The following ZNF333 variants were observed in gnomAD, a reference collection of about 807,000 sequenced individuals.
ZNF333 encodes zinc finger protein 333.
Under a neutral mutation model 76.1 loss-of-function variants are expected in ZNF333, and 61 were observed. The observed-to-expected ratio is 0.80, with a 90% confidence interval of 0.65 to 0.99. The LOEUF is 0.99. Among genes scored for constraint, ZNF333 ranks in the 50% least tolerant of loss-of-function variants. The pLI is 0.00. For synonymous variants in ZNF333, 284 were observed against 305.0 expected (o/e 0.93, Z 0.72); for missense variants, 717 against 822.4 (o/e 0.87, Z 1.57).
At chr19:14,699,644 T>C (rs6511959) in intron 5 of ZNF333, among the ~76,000 whole-genome samples, 18,018 of 151,982 alleles carry the variant, frequency 0.12, 1,251 homozygotes, top group African/African-American at 0.2. Flanking sequence ...TATTTTTTGG[T>C]AGAGACAGGG....
intron 2 of ZNF333, 97 bp downstream of exon 2, chr19:14,693,591 A>G (rs1045772309): frequency 4.2e-6 from 6 of 1,414,434 alleles, no homozygotes; most frequent in African/African-American, 2.8e-5. Context: ...TCCGTCCCCA[A>G]CTGAGGAAGA....
chr19:14,702,469 A>T (rs2041984819), intron 5 of ZNF333, among the ~76,000 whole-genome samples: 1 of 152,184 alleles, frequency 6.6e-6, no homozygotes, highest in South Asian at 2.1e-4. Flanking sequence ...GCAGTGAGCC[A>T]TGTGTTTGCA....
downstream of ZNF333, among the ~76,000 whole-genome samples, chr19:14,725,503 C>T (rs1351599012): frequency 6.6e-6 from 1 of 152,182 alleles, no homozygotes; most frequent in Admixed American, 6.5e-5. Flanking sequence ...TCAAAAGTCT[C>T]ATCTGAAGAT....
At chr19:14,696,361 C>T (rs1973190284) in intron 4 of ZNF333, among the ~76,000 whole-genome samples, 1 of 152,150 alleles carries the variant, frequency 6.6e-6, no homozygotes, top group African/African-American at 2.4e-5. Flanking sequence ...CCTCCCTCAG[C>T]CCCTGGCAGC....
At chr19:14,724,685 G>T (rs2042623147), downstream of ZNF333, among the ~76,000 whole-genome samples, 1 of 151,432 alleles carries the variant, frequency 6.6e-6, no homozygotes, top group Admixed American at 6.6e-5. Flanking sequence ...AGAATTGCTT[G>T]AACCCAGGAG....
At chr19:14,726,788 C>T (rs894534595), downstream of ZNF333, among the ~76,000 whole-genome samples, 3 of 152,148 alleles carry the variant, frequency 2.0e-5, no homozygotes, top group African/African-American at 4.8e-5. Flanking sequence ...TCAGCCTGAC[C>T]TTCACTGTCC....
chr19:14,721,971 C>T (rs2042594369), downstream of ZNF333: 1 of 152,096 alleles, frequency 6.6e-6, no homozygotes, highest in Non-Finnish European at 1.5e-5. Context: ...TTGGAGGAGA[C>T]CTATCTTTAG....
chr19:14,697,893 G>A (rs1003689041), intron 4 of ZNF333, among the ~76,000 whole-genome samples: 2 of 152,074 alleles, frequency 1.3e-5, no homozygotes, highest in African/African-American at 2.4e-5. Flanking sequence ...ACCTTTTTAT[G>A]TATGTTCTTT....
In ZNF333 at chr19:14,720,219, C is replaced by T. The variant is rs1161293574; in HGVS notation, c.*894C>T. ...TAATAATAAAAAAAAGCTTCCATCT[C>T]CCAGCCCTTCTTGCAAGCAAGGGCA... On this transcript the variant is annotated 3_prime_UTR_variant, in exon 12 of 12. Transcript: ENST00000292530. 6.1e-6 allele frequency: 6 copies of T among 985,140 alleles called. No individual in the cohort carries two copies. The highest frequency in any genetic ancestry group is 1.7e-5 in the African/African-American group (1 of 57,206). 61.0% of individuals were successfully genotyped at this position (985,140 alleles called of 1,614,324 possible).
chr19:14,697,400 C>T (rs746274923), intron 4 of ZNF333, among the ~76,000 whole-genome samples: 3 of 121,172 alleles, frequency 2.5e-5, no homozygotes, highest in South Asian at 2.5e-4. Flanking sequence ...CTTGTTCTGT[C>T]GCCCAGGCTG....
At chr19:14,714,312 G>A (rs543328645) in intron 7 of ZNF333, among the ~76,000 whole-genome samples, 6 of 152,278 alleles carry the variant, frequency 3.9e-5, no homozygotes, top group African/African-American at 1.4e-4. Context: ...CAACATGACT[G>A]TGTCCTTATG....
rs576227043 is a variant in ZNF333 at position 14,727,110 on chromosome 19, C to T, written c.901-4065C>T. 2.0e-5 allele frequency among the ~76,000 whole-genome samples: 3 copies of T among 147,204 alleles called. No homozygotes were observed. The South Asian group carries it at 6.4e-4, about 31-fold the overall frequency. ...TGGCGCAATCTTGGCTCACTACAAG[C>T]TCCGCCTCCTGGGTTCACACCATTC... On this transcript the variant is annotated intron_variant, in intron 11 of 11. Coordinates refer to the ZNF333 transcript ENST00000540689.
chr19:14,700,831 G>A (rs2041935212), intron 5 of ZNF333, among the ~76,000 whole-genome samples: 1 of 152,208 alleles, frequency 6.6e-6, no homozygotes, highest in Admixed American at 6.5e-5. Context: ...TCATGGATGG[G>A]TGTCAGCATC....
At chr19:14,699,505 G>C (rs942982165) in intron 5 of ZNF333, 9 of 432,984 alleles carry the variant, frequency 2.1e-5, no homozygotes, top group Non-Finnish European at 3.4e-5. Context: ...CTGTCACCCA[G>C]GCTGGAGTGC....
downstream of ZNF333, among the ~76,000 whole-genome samples, chr19:14,724,743 G>A (rs1270934714): frequency 6.6e-6 from 1 of 152,154 alleles, no homozygotes; most frequent in East Asian, 1.9e-4. Context: ...TCCAGCCTGG[G>A]CAACAAGAGT....
chr19:14,694,608 AT>A (rs1286567415), intron 2 of ZNF333, among the ~76,000 whole-genome samples: 1 of 152,240 alleles, frequency 6.6e-6, no homozygotes, highest in African/African-American at 2.4e-5. Flanking sequence ...CAAATTTGTG[AT>A]GCTGTGCCAA....
intron 7 of ZNF333, among the ~76,000 whole-genome samples, chr19:14,711,323 G>C (rs1345413398): frequency 1.3e-5 from 2 of 152,140 alleles, no homozygotes; most frequent in Admixed American, 1.3e-4. Context: ...GGCCAACCTT[G>C]CAAACACATC....
At chr19:14,706,638 C>T (rs1210311387) in intron 6 of ZNF333, 48 bp from the exon 7 acceptor site, 5 of 1,480,446 alleles carry the variant, frequency 3.4e-6, no homozygotes, top group South Asian at 2.3e-5. Context: ...TGTGAGTGGC[C>T]CCCTCAGCTT....
chr19:14,702,970 C>T (rs917173940), intron 5 of ZNF333, among the ~76,000 whole-genome samples: 9 of 151,492 alleles, frequency 5.9e-5, no homozygotes, highest in East Asian at 1.9e-4. Flanking sequence ...TTTGGGAGGC[C>T]GAGGCGGGCG....
Sources: gnomAD v4.1 joint callset for allele counts (sites outside exome capture counted in the v4.1 genomes callset) on GRCh38, gnomAD v4.1.1 for gene constraint, MANE v1.5 for transcripts, NCBI Gene and HGNC (gene_info 2026-07-23, HGNC 2026-07-21) for gene names.